Variants in PLEKHH1 observed in about 807,000 individuals in gnomAD.
PLEKHH1 encodes the protein pleckstrin homology, MyTH4 and FERM domain containing H1.
Under a neutral mutation model 160.0 loss-of-function variants are expected in PLEKHH1, and 104 were observed. That is an observed-to-expected ratio of 0.65 (90% CI 0.55 to 0.76). The LOEUF is 0.76. PLEKHH1 is among the 30% of genes least tolerant of loss of function. The probability of loss-of-function intolerance (pLI) is 0.00; values close to 1 mark genes in which losing one functional copy is unlikely to be tolerated. For missense variants in PLEKHH1, 1,427 were observed against 1,724.1 expected (o/e 0.83, Z 3.05); for synonymous variants, 619 against 678.4 (o/e 0.91, Z 1.36).
In PLEKHH1 at chr14:67,571,981, G is replaced by C. The variant is rs2035399177; in HGVS notation, c.1585+79G>C. 4 of 1,509,156 alleles carry C rather than the reference G, an allele frequency of 2.7e-6. No homozygotes were observed. The Admixed American group carries it at 7.9e-5, about 30-fold the overall frequency. 93.5% of individuals were successfully genotyped at this position (1,509,156 alleles called of 1,614,324 possible). On this transcript the variant is annotated intron_variant, in intron 10 of 28. Transcript: ENST00000329153. ...TTCCCATGGGCACTTGAACATGGGC[G>C]TCCCCACTTGATCTGAGCTCGTGAC...
chr14:67,567,768 C>T (rs1418603783), intron 7 of PLEKHH1, among the ~76,000 whole-genome samples: 1 of 152,184 alleles, frequency 6.6e-6, no homozygotes, highest in African/African-American at 2.4e-5. Flanking sequence ...CCATCTGACC[C>T]CACCAGGTGA....
chr14:67,586,965 G>T, intron 28 of PLEKHH1, 109 bp from the exon 29 acceptor site: 4 of 1,540,702 alleles, frequency 2.6e-6, no homozygotes, highest in South Asian at 1.2e-5. Context: ...TATTTTAAGA[G>T]ATTAAATAAA....
chr14:67,574,022 C>A lies in PLEKHH1; in HGVS notation c.1926+135C>A. 1.4e-6 allele frequency: 1 copy of A among 727,998 alleles called. No homozygotes were observed. The highest frequency in any genetic ancestry group is 2.4e-6 in the Non-Finnish European group (1 of 421,920). The allele number at this position is 727,998 out of a possible 1,614,324, so 45.1% of individuals were successfully genotyped here. ...GATCAACATTTGGACGTGATCCTAA[C>A]TTGTGAGTACAAGAAAGGAAGATGA... On this transcript the variant is annotated intron_variant, in intron 13 of 28. Transcript: ENST00000329153. This position sits in a 1 kb window ranked among gnomAD's most constrained non-coding sequence, Gnocchi z 4.2.
At position 67,562,289 on chromosome 14, in the gene PLEKHH1, C is replaced by T. The variant is rs781696462; in HGVS notation, c.658C>T (p.Pro220Ser). The T allele has an allele frequency of 1.4e-5, 23 of 1,613,670 alleles. No homozygotes were observed. In the South Asian group the frequency reaches 2.2e-4, roughly 15 times the overall value. Reference protein sequence around the residue: ...GLKAAVLAPSPGALQSKDSVS... With the variant: ...GLKAAVLAPSSGALQSKDSVS... ...GAAGGCAGCTGTGCTTGCACCTTCC[C>T]CAGGTGCCCTGCAGAGCAAGGACTC... is the stretch of plus-strand genomic sequence containing the variant. Residue 220 changes from proline (P) to serine (S), a missense_variant, in exon 7 of 29, where the codon CCA becomes TCA. Around this residue, in one of 6 missense-constraint regions of PLEKHH1, gnomAD observed 831 missense variants for 929.2 expected, o/e 0.89. Coordinates refer to ENST00000329153, the MANE Select transcript of PLEKHH1 (RefSeq NM_020715.3).
chr14:67,575,541 T>C (rs563645913), intron 15 of PLEKHH1, 69 bp downstream of exon 15: 3 of 967,884 alleles, frequency 3.1e-6, no homozygotes, highest in South Asian at 2.8e-5. Flanking sequence ...CCACTCTATG[T>C]CCTGATGAAA....
chr14:67,581,977 C>G, intron 23 of PLEKHH1, 92 bp from the exon 24 acceptor site: 1 of 1,284,856 alleles, frequency 7.8e-7, no homozygotes, highest in Non-Finnish European at 1.1e-6. Flanking sequence ...AGTACTTTAT[C>G]TTTTTGGAAA....
In PLEKHH1 at chr14:67,572,116, C is replaced by T; in HGVS notation, c.1586-19C>T. 3 of 1,600,196 alleles carry T rather than the reference C, an allele frequency of 1.9e-6. No individual in the cohort carries two copies. Among genetic ancestry groups the T allele is most frequent in the Non-Finnish European group, 2.6e-6 (3 of 1,173,734 alleles). ...GGGAGGTGTGGGACCCGGGCCTTGA[C>T]TCCTCCTCCCTCGGCAAGGCGTCTC... On this transcript the variant is annotated intron_variant, in intron 10 of 28. Transcript: ENST00000329153.
intron 3 of PLEKHH1, 47 bp downstream of exon 3, chr14:67,555,934 C>T (rs2034575463): frequency 3.7e-6 from 6 of 1,600,206 alleles, no homozygotes; most frequent in East Asian, 4.5e-5. Flanking sequence ...GAATGACCGT[C>T]GGCCCTTCCA....
rs2036225276 is a variant in PLEKHH1, at chr14:67,587,479, C to T, written c.*244C>T. 1.9e-6 allele frequency: 1 copy of T among 534,030 alleles called. No individual in the cohort carries two copies. Among genetic ancestry groups the T allele is most frequent in the Admixed American group, 3.2e-5 (1 of 31,548 alleles). 33.1% of individuals were successfully genotyped at this position (534,030 alleles called of 1,614,324 possible). The stretch of plus-strand genomic sequence containing the variant: ...ATTCCTTTTTTCATAAGAATAATGA[C>T]TCCAGATGCTACCTGATTCTAGACA... On this transcript the variant is annotated 3_prime_UTR_variant, in exon 29 of 29. Coordinates refer to ENST00000329153, the MANE Select transcript of PLEKHH1 (RefSeq NM_020715.3).
chr14:67,555,628 C>G (rs2034561197), intron 2 of PLEKHH1, among the ~76,000 whole-genome samples, 197 bp from the exon 3 acceptor site: 2 of 152,218 alleles, frequency 1.3e-5, no homozygotes, highest in Non-Finnish European at 1.5e-5. Context: ...GGGCTCTTCA[C>G]CTGCCCCATG....
At chr14:67,550,649 T>C (rs1036613577) in intron 2 of PLEKHH1, among the ~76,000 whole-genome samples, 1 of 152,202 alleles carries the variant, frequency 6.6e-6, no homozygotes, top group South Asian at 2.1e-4. Context: ...CTTACTGCTA[T>C]AGAAAATAGA....
In PLEKHH1 at chr14:67,576,817, T is replaced by C. The variant is rs2035642444; in HGVS notation, c.2461+314T>C. Among the ~76,000 whole-genome samples, 1 of 152,174 alleles carries C rather than the reference T, an allele frequency of 6.6e-6. No individual in the cohort carries two copies. The highest frequency in any genetic ancestry group is 2.4e-5 in the African/African-American group (1 of 41,426). ...GGAAAGAAGGTAGCTGGTTAATCTA[T>C]AGTTAGAGTTTGTAAATCAACAAGT... is the stretch of plus-strand genomic sequence containing the variant. On this transcript the variant is annotated intron_variant, in intron 17 of 28. Coordinates refer to ENST00000329153, the MANE Select transcript of PLEKHH1 (RefSeq NM_020715.3). The surrounding 1 kb of genome is among the most constrained non-coding windows in gnomAD (Gnocchi z 4.0).
chr14:67,583,740 G>A lies in PLEKHH1; in HGVS notation c.3427-1G>A, dbSNP rs761969623. 6.2e-7 allele frequency: 1 copy of A among 1,610,200 alleles called. No individual in the cohort carries two copies. The highest frequency in any genetic ancestry group is 8.5e-7 in the Non-Finnish European group (1 of 1,178,118). On this transcript the variant is annotated splice_acceptor_variant, in intron 24 of 28. Coordinates refer to ENST00000329153, the MANE Select transcript of PLEKHH1 (RefSeq NM_020715.3). LOFTEE classifies it high-confidence loss of function. ...GGTCTCTTCATATGCTTCTACCACA[G>A]GTAGAATATGGGGACTTGGAGAAGC...
chr14:67,539,961 C>T (rs570355764), intron 1 of PLEKHH1, among the ~76,000 whole-genome samples: 11 of 152,118 alleles, frequency 7.2e-5, no homozygotes, highest in South Asian at 6.2e-4. Flanking sequence ...AAGTCACATG[C>T]GAGGGGAGAA....
Position 67,575,809 on chromosome 14 carries a change from A to G in PLEKHH1, c.2170-14A>G, listed in dbSNP as rs766533307. 5.6e-6 allele frequency: 9 copies of G among 1,606,284 alleles called. No individual in the cohort carries two copies. The highest frequency in any genetic ancestry group is 7.7e-6 in the Non-Finnish European group (9 of 1,174,700). ...CCACTGGCTCTCCCATTCATGGAAG[A>G]CTGCTGTCCACAGCGACCCCTGGGC... On this transcript the variant is annotated splice_polypyrimidine_tract_variant and intron_variant, in intron 15 of 28. Coordinates refer to ENST00000329153, the MANE Select transcript of PLEKHH1 (RefSeq NM_020715.3).
intron 23 of PLEKHH1, 92 bp downstream of exon 23, chr14:67,581,130 G>C (rs775225052): frequency 1.6e-5 from 13 of 794,156 alleles, no homozygotes; most frequent in Middle Eastern, 3.1e-4. Context: ...CTATCCAGAC[G>C]GGGGGAGGGA....
At chr14:67,568,871 G>A (rs78155172) in intron 7 of PLEKHH1, among the ~76,000 whole-genome samples, 3,647 of 152,206 alleles carry the variant, frequency 0.024, 156 homozygotes, top group African/African-American at 0.083. Flanking sequence ...GAACTGTTGG[G>A]CACTGATTAT....
intron 28 of PLEKHH1, chr14:67,586,722 C>T (rs10132062): frequency 0.19 from 196,650 of 1,021,270 alleles, 19,497 homozygotes; most frequent in African/African-American, 0.25. Flanking sequence ...TTAGAGTTTG[C>T]CAAACCTACT....
chr14:67,575,769 A>T, intron 15 of PLEKHH1, 54 bp from the exon 16 acceptor site: 1 of 1,328,730 alleles, frequency 7.5e-7, no homozygotes. Context: ...CAGAGAGAGG[A>T]GACTCCCTCA....
Sources: allele counts gnomAD v4.1 joint callset (sites outside exome capture counted in the v4.1 genomes callset), GRCh38; gene constraint gnomAD v4.1.1; regional missense constraint gnomAD v4.1.1; non-coding constraint Gnocchi (gnomAD v3.1); transcripts MANE v1.5; gene names NCBI Gene and HGNC (gene_info 2026-07-23, HGNC 2026-07-21).